KCNH7: variants seen among roughly 807,000 people sequenced by gnomAD.
KCNH7 encodes the protein voltage-gated inwardly rectifying potassium channel KCNH7.
Under a neutral mutation model 120.8 loss-of-function variants are expected in KCNH7, and 49 were observed. The ratio of observed to expected loss-of-function variants is 0.41; its 90% CI spans 0.32 to 0.51. The LOEUF (loss-of-function observed/expected upper bound fraction) is 0.51, where lower values mean the gene tolerates loss of function less well. Among genes scored for constraint, KCNH7 ranks in the 20% least tolerant of loss-of-function variants. The probability of loss-of-function intolerance (pLI) is 0.38; values close to 1 mark genes in which losing one functional copy is unlikely to be tolerated. For synonymous variants in KCNH7, 547 were observed against 516.1 expected (o/e 1.06, Z -0.81); for missense variants, 1,097 against 1,446.6 (o/e 0.76, Z 3.92).
At chr2:162,835,250 T>C (rs1685618329) in intron 2 of KCNH7, among the ~76,000 whole-genome samples, 1 of 152,088 alleles carries the variant, frequency 6.6e-6, no homozygotes, top group African/African-American at 2.4e-5. Flanking sequence ...AAACCTGTTT[T>C]TAGTAATGTT....
chr2:162,711,456 C>T (rs1211985805), intron 2 of KCNH7, among the ~76,000 whole-genome samples: 2 of 152,234 alleles, frequency 1.3e-5, no homozygotes, highest in East Asian at 3.8e-4. Context: ...ATTTGAAAGA[C>T]TTCTGCAACG....
At chr2:162,380,437 A>ACT (rs1686376427) in intron 13 of KCNH7, among the ~76,000 whole-genome samples, 1 of 152,114 alleles carries the variant, frequency 6.6e-6, no homozygotes, top group Non-Finnish European at 1.5e-5. Context: ...CCACAGGATA[A>ACT]CTTGCATACG....
intron 6 of KCNH7, among the ~76,000 whole-genome samples, chr2:162,496,387 G>C (rs986922804): frequency 6.6e-6 from 1 of 152,074 alleles, no homozygotes; most frequent in African/African-American, 2.4e-5. Context: ...AGTGGACTAA[G>C]GGCCCGCATG....
In KCNH7 at chr2:162,758,878, A is replaced by G. The variant is rs115533824; in HGVS notation, c.307+77659T>C. ...CTCATGATTTGCTATGCACAGGAGA[A>G]CATTTAAGGGTTCACATTTTGAGGC... On this transcript the variant is annotated intron_variant, in intron 2 of 15. Transcript: ENST00000332142. Among the ~76,000 whole-genome samples, 396 of 152,312 alleles carry G rather than the reference A, an allele frequency of 2.6e-3. 3 individuals are homozygous for G. Among genetic ancestry groups the G allele is most frequent in the African/African-American group, 8.9e-3 (370 of 41,570 alleles).
intron 6 of KCNH7, among the ~76,000 whole-genome samples, chr2:162,451,644 G>A (rs1014644159): frequency 2.6e-5 from 4 of 152,138 alleles, no homozygotes; most frequent in African/African-American, 9.6e-5. Flanking sequence ...GAAGATAGTT[G>A]GAAGGCTGGG....
At chr2:162,671,660 C>T (rs1163322740) in intron 2 of KCNH7, among the ~76,000 whole-genome samples, 2 of 151,848 alleles carry the variant, frequency 1.3e-5, no homozygotes, top group Non-Finnish European at 2.9e-5. Flanking sequence ...AACTTCACCA[C>T]TATGCAATAT....
intron 2 of KCNH7, among the ~76,000 whole-genome samples, chr2:162,582,405 A>G (rs1342974234): frequency 6.6e-6 from 1 of 152,094 alleles, no homozygotes; most frequent in Non-Finnish European, 1.5e-5. Context: ...AGCAGCGATA[A>G]AACACAAAAT....
At chr2:162,373,739 A>G (rs949026715) in intron 14 of KCNH7, 77 bp from the exon 15 acceptor site, 3 of 995,360 alleles carry the variant, frequency 3.0e-6, no homozygotes, top group Non-Finnish European at 4.1e-6. Flanking sequence ...AAATTTCAGC[A>G]CTACCAAGAA....
At chr2:162,828,560 A>G (rs537506834) in intron 2 of KCNH7, among the ~76,000 whole-genome samples, 1 of 152,306 alleles carries the variant, frequency 6.6e-6, no homozygotes, top group East Asian at 1.9e-4. Flanking sequence ...AAAGAATGAT[A>G]CATAAAAACA....
intron 2 of KCNH7, among the ~76,000 whole-genome samples, chr2:162,635,033 T>C (rs1331832319): frequency 6.6e-6 from 1 of 152,116 alleles, no homozygotes; most frequent in Non-Finnish European, 1.5e-5. Flanking sequence ...GCAGTTCTTC[T>C]GTTATACCAG....
intron 2 of KCNH7, among the ~76,000 whole-genome samples, chr2:162,538,719 C>A (rs188244564): frequency 1.3e-5 from 2 of 151,964 alleles, no homozygotes; most frequent in African/African-American, 2.4e-5. Flanking sequence ...CGCCACAGAT[C>A]GAGGACTTCA....
chr2:162,692,125 T>A (rs1012162336), intron 2 of KCNH7, among the ~76,000 whole-genome samples: 1 of 91,034 alleles, frequency 1.1e-5, no homozygotes, highest in South Asian at 4.5e-4. Context: ...CAACATTGAG[T>A]TTTTTTTTTT....
chr2:162,383,209 A>G (rs1036005279), intron 13 of KCNH7, among the ~76,000 whole-genome samples: 10 of 151,972 alleles, frequency 6.6e-5, no homozygotes, highest in Non-Finnish European at 1.0e-4. Flanking sequence ...TTAGGTTCAC[A>G]TTATGTTGAC....
At chr2:162,832,854 A>T (rs1685525649) in intron 2 of KCNH7, among the ~76,000 whole-genome samples, 1 of 152,146 alleles carries the variant, frequency 6.6e-6, no homozygotes, top group Non-Finnish European at 1.5e-5. Flanking sequence ...AGTTTACTTA[A>T]TCAAAATCTA....
chr2:162,380,110 G>T, intron 13 of KCNH7, 89 bp from the exon 14 acceptor site: 1 of 1,470,316 alleles, frequency 6.8e-7, no homozygotes, highest in Non-Finnish European at 9.3e-7. Flanking sequence ...AGCTGGAAAG[G>T]ATCGGAGTAT....
intron 2 of KCNH7, among the ~76,000 whole-genome samples, chr2:162,822,381 G>A (rs114536814): frequency 0.021 from 3,157 of 152,184 alleles, 55 homozygotes; most frequent in Middle Eastern, 0.092. Flanking sequence ...TCCTCACAAA[G>A]CTGAATAAGA....
At chr2:162,644,740 C>T (rs11892135) in intron 2 of KCNH7, among the ~76,000 whole-genome samples, 2,422 of 152,238 alleles carry the variant, frequency 0.016, 57 homozygotes, top group African/African-American at 0.054. Context: ...AACAAAATGA[C>T]ACTAATTGCT....
At chr2:162,684,469 C>G (rs1055608586) in intron 2 of KCNH7, among the ~76,000 whole-genome samples, 1 of 152,072 alleles carries the variant, frequency 6.6e-6, no homozygotes, top group African/African-American at 2.4e-5. Flanking sequence ...GGGCTAATAT[C>G]CAGAATCTAG....
intron 5 of KCNH7, among the ~76,000 whole-genome samples, chr2:162,510,019 C>G (rs1382255284): frequency 1.3e-5 from 2 of 151,332 alleles, no homozygotes; most frequent in Admixed American, 6.6e-5. Context: ...AGAAAAGCCA[C>G]CAAGTTGGAG....
Sources: gnomAD v4.1 joint callset for allele counts (sites outside exome capture counted in the v4.1 genomes callset) on GRCh38, gnomAD v4.1.1 for gene constraint, MANE v1.5 for transcripts, NCBI Gene and HGNC (gene_info 2026-07-23, HGNC 2026-07-21) for gene names.